EVL: variants seen among roughly 807,000 people sequenced by gnomAD.
The protein encoded by EVL is ena/VASP-like protein.
A neutral mutation model predicts 59.6 loss-of-function variants in EVL; 21 were observed. That is an observed-to-expected ratio of 0.35 (90% CI 0.25 to 0.51). The LOEUF is 0.51. EVL is among the 20% of genes least tolerant of loss of function. The probability of loss-of-function intolerance (pLI) is 0.97; values close to 1 mark genes in which losing one functional copy is unlikely to be tolerated. For missense variants in EVL, 462 were observed against 546.6 expected, an observed-to-expected ratio of 0.85 and a Z score of 1.54; for synonymous variants, 198 against 203.5, an observed-to-expected ratio of 0.97 and a Z score of 0.23.
chr14:100,070,250 G>A (rs528581934), intron 1 of EVL, among the ~76,000 whole-genome samples: 33 of 152,196 alleles, frequency 2.2e-4, no homozygotes, highest in African/African-American at 7.9e-4. Context: ...CCTGGTGACA[G>A]AGCAAGACCC....
At chr14:100,099,193 A>AG (rs1350838775) in intron 3 of EVL, among the ~76,000 whole-genome samples, 5 of 151,928 alleles carry the variant, frequency 3.3e-5, no homozygotes, top group African/African-American at 4.8e-5. Flanking sequence ...AAAAAAAAAA[A>AG]AAAAAAGAAA....
At chr14:100,100,865 G>A (rs1045961145) in intron 3 of EVL, among the ~76,000 whole-genome samples, 14 of 151,660 alleles carry the variant, frequency 9.2e-5, no homozygotes, top group African/African-American at 3.4e-4. Flanking sequence ...CGAGGACCAT[G>A]CAAAGATGTG....
chr14:100,058,099 A>G (rs2061763148), intron 1 of EVL, among the ~76,000 whole-genome samples: 1 of 152,208 alleles, frequency 6.6e-6, no homozygotes, highest in Admixed American at 6.5e-5. Flanking sequence ...AGAAAAGAAA[A>G]CTAAAATCCA....
At chr14:100,132,844 C>G (rs1888523333) in intron 8 of EVL, 65 bp downstream of exon 8, 2 of 1,580,130 alleles carry the variant, frequency 1.3e-6, no homozygotes, top group Non-Finnish European at 1.7e-6. Flanking sequence ...CAGGGAGGCT[C>G]TCTGGTCTCA....
chr14:100,143,588 G>A, intron 13 of EVL, 113 bp from the exon 14 acceptor site: 4 of 1,318,978 alleles, frequency 3.0e-6, no homozygotes, highest in African/African-American at 2.9e-5. Flanking sequence ...GCTCCCAGGA[G>A]ATGGAACAGG....
At chr14:100,044,092 C>A (rs1256434811) in intron 1 of EVL, among the ~76,000 whole-genome samples, 1 of 152,194 alleles carries the variant, frequency 6.6e-6, no homozygotes, top group Non-Finnish European at 1.5e-5. Flanking sequence ...TAACACTTTA[C>A]CTGCTCTCTA....
intron 1 of EVL, among the ~76,000 whole-genome samples, chr14:100,028,378 T>C (rs2061255015): frequency 6.6e-6 from 1 of 152,208 alleles, no homozygotes; most frequent in African/African-American, 2.4e-5. Flanking sequence ...TTATATGTCT[T>C]TTGAGAAATG....
rs35006525 is a variant in EVL, at chr14:100,097,531, G to T, written c.231G>T (p.Thr77=). Residue 77 remains threonine (T), a synonymous_variant, in exon 3 of 14, where the codon ACG becomes ACT. Transcript: ENST00000392920. ...IVKGLKYNQA[T]PTFHQWRDAR... ...AAGGGCTGAAGTACAATCAGGCCAC[G>T]CCAACCTTCCACCAGTGGCGAGATG... is the stretch of plus-strand genomic sequence containing the variant. 28 of 1,613,802 alleles carry T rather than the reference G, an allele frequency of 1.7e-5. No individual in the cohort carries two copies. The highest frequency in any genetic ancestry group is 2.3e-5 in the Non-Finnish European group (27 of 1,179,952).
At position 99,972,640 on chromosome 14, in the gene EVL, C is replaced by G. The variant is rs951915452; in HGVS notation, c.5+583C>G. Among the ~76,000 whole-genome samples the G allele has an allele frequency of 1.3e-5, 2 of 152,138 alleles. No individual in the cohort carries two copies. The highest frequency in any genetic ancestry group is 4.8e-5 in the African/African-American group (2 of 41,412). ...TTGCACGCCAGTAAAGTGCAAGGCC[C>G]CCAAATGTACCGCTCGTTGATGTAT... is the stretch of plus-strand genomic sequence containing the variant. On this transcript the variant is annotated intron_variant, in intron 1 of 13. Transcript: ENST00000402714. The surrounding 1 kb of genome is among the most constrained non-coding windows in gnomAD (Gnocchi z 4.4).
intron 1 of EVL, among the ~76,000 whole-genome samples, chr14:100,070,353 A>G (rs773359678): frequency 6.6e-6 from 1 of 152,188 alleles, no homozygotes; most frequent in Non-Finnish European, 1.5e-5. Context: ...CTCTGAGAGG[A>G]TCAAAATCTG....
chr14:100,114,858 G>T lies in EVL; in HGVS notation c.359-8681G>T, dbSNP rs1887231996. ...CTGCCACTGACCAATTACAGGGTTT[G>T]CAATGACATCCTTGCGGAAGCGGCA... On this transcript the variant is annotated intron_variant, in intron 3 of 13. Coordinates refer to ENST00000392920, the MANE Select transcript of EVL (RefSeq NM_016337.3). The surrounding 1 kb of genome is among the most constrained non-coding windows in gnomAD (Gnocchi z 5.0). Among the ~76,000 whole-genome samples the T allele has an allele frequency of 6.6e-6, 1 of 151,704 alleles. No homozygotes were observed. The highest frequency in any genetic ancestry group is 2.4e-5 in the African/African-American group (1 of 41,384).
chr14:99,990,907 G>C (rs774315071), intron 1 of EVL, among the ~76,000 whole-genome samples: 30 of 151,904 alleles, frequency 2.0e-4, no homozygotes, highest in Admixed American at 3.9e-4. Flanking sequence ...AGAGAGAGGG[G>C]GTGTGTATGT....
At chr14:100,089,543 G>C (rs1048926761) in intron 2 of EVL, among the ~76,000 whole-genome samples, 2 of 152,224 alleles carry the variant, frequency 1.3e-5, no homozygotes, top group African/African-American at 4.8e-5. Context: ...AGACAGAAAA[G>C]AAATCACAGT....
At chr14:100,006,465 T>G (rs1161650131) in intron 1 of EVL, among the ~76,000 whole-genome samples, 2 of 151,906 alleles carry the variant, frequency 1.3e-5, no homozygotes, top group Non-Finnish European at 2.9e-5. Context: ...TTTTGTATTT[T>G]TAGTAGAGAT....
At chr14:100,064,571 G>A (rs1054151819), upstream of EVL, among the ~76,000 whole-genome samples, 10 of 152,236 alleles carry the variant, frequency 6.6e-5, no homozygotes, top group African/African-American at 2.4e-4. Flanking sequence ...AGAGAGAGTT[G>A]TCTCCTCGGT....
intron 8 of EVL, chr14:100,135,215 C>A (rs1888701425): frequency 1.3e-5 from 2 of 152,218 alleles, no homozygotes; most frequent in African/African-American, 4.8e-5. Context: ...GTTCCTGATT[C>A]TCGTGTGGGG....
upstream of EVL, among the ~76,000 whole-genome samples, chr14:100,061,403 C>CAAAAAA (rs56656380): frequency 3.7e-3 from 71 of 19,096 alleles, 6 homozygotes; most frequent in African/African-American, 8.6e-3. Context: ...GACCCTGTCT[C>CAAAAAA]AAAAAAAAAA....
In EVL at chr14:100,097,673, G is replaced by C. The variant is rs902543596; in HGVS notation, c.358+15G>C. On this transcript the variant is annotated intron_variant, in intron 3 of 13. Transcript: ENST00000392920. Reference sequence around the variant, plus strand: ...CCAAGAAGGAGGTAAGTAGGGCTTTGTCTTGGCCTGATGCTGAGACCCTCT... The same window carrying C: ...CCAAGAAGGAGGTAAGTAGGGCTTTCTCTTGGCCTGATGCTGAGACCCTCT... The C allele has an allele frequency of 6.3e-7, 1 of 1,592,134 alleles. No homozygotes were observed. The highest frequency in any genetic ancestry group is 1.3e-5 in the African/African-American group (1 of 74,248).
At chr14:100,104,249 T>C (rs1886418312) in intron 3 of EVL, among the ~76,000 whole-genome samples, 1 of 152,212 alleles carries the variant, frequency 6.6e-6, no homozygotes. Context: ...GTTCTTCTAT[T>C]TATTATGATG....
Sources: allele counts gnomAD v4.1 joint callset (sites outside exome capture counted in the v4.1 genomes callset), GRCh38; gene constraint gnomAD v4.1.1; non-coding constraint Gnocchi (gnomAD v3.1); transcripts MANE v1.5; gene names NCBI Gene and HGNC (gene_info 2026-07-23, HGNC 2026-07-21).